CSTPP1: variants seen among roughly 807,000 people sequenced by gnomAD.
CSTPP1 encodes centriolar satellite-associated tubulin polyglutamylase complex regulator 1, also known as UPF0705 protein C11orf49.
chr11:46,944,349 C>T, the CSTPP1 span, among the ~76,000 whole-genome samples: 1 of 151,652 alleles, frequency 6.6e-6, no homozygotes, highest in East Asian at 1.9e-4. Context: ...GTGCTTGCCT[C>T]ATACATGTAA....
At chr11:47,065,977 T>TTGTGTGTGTGTGTG in the CSTPP1 span, among the ~76,000 whole-genome samples, 58,943 of 145,720 alleles carry the variant, frequency 0.4, 13,410 homozygotes, top group Non-Finnish European at 0.52. Flanking sequence ...GGTCTAACAG[T>TTGTGTGTGTGTGTG]TGTGTGTGTG....
the CSTPP1 span, among the ~76,000 whole-genome samples, chr11:47,005,857 AGT>A: frequency 6.6e-6 from 1 of 152,212 alleles, no homozygotes; most frequent in African/African-American, 2.4e-5. Flanking sequence ...AGATACAATA[AGT>A]GTTGAATTAA....
chr11:47,150,604 G>A, the CSTPP1 span, among the ~76,000 whole-genome samples: 1 of 152,188 alleles, frequency 6.6e-6, no homozygotes, highest in Non-Finnish European at 1.5e-5. Flanking sequence ...AAGAGATGCT[G>A]TGGAGGCTTC....
chr11:47,156,996 C>A, the CSTPP1 span: 3 of 1,612,616 alleles, frequency 1.9e-6, no homozygotes, highest in Non-Finnish European at 2.5e-6. Flanking sequence ...GCCGTCCACA[C>A]CCACACCCCC....
At chr11:47,137,771 G>A in the CSTPP1 span, 1 of 1,576,908 alleles carries the variant, frequency 6.3e-7, no homozygotes, top group Non-Finnish European at 8.7e-7. Flanking sequence ...GCTCTCTGTG[G>A]GCCACTGCTT....
chr11:46,973,784 G>GTGTGTGTGTA, the CSTPP1 span, among the ~76,000 whole-genome samples: 4 of 151,512 alleles, frequency 2.6e-5, no homozygotes, highest in Non-Finnish European at 4.4e-5. Flanking sequence ...GGGTGTATGT[G>GTGTGTGTGTA]TGTGTGTGTG....
the CSTPP1 span, among the ~76,000 whole-genome samples, chr11:47,140,076 C>T: frequency 3.3e-5 from 5 of 152,166 alleles, no homozygotes; most frequent in Admixed American, 6.5e-5. Context: ...CGGTGGGGCA[C>T]GGTGTTTTGC....
chr11:46,939,547 T>C, the CSTPP1 span, among the ~76,000 whole-genome samples: 1 of 152,148 alleles, frequency 6.6e-6, no homozygotes, highest in South Asian at 2.1e-4. Flanking sequence ...CCCAATACTT[T>C]GGGAGGCTGA....
the CSTPP1 span, among the ~76,000 whole-genome samples, chr11:46,965,877 G>T: frequency 4.6e-5 from 7 of 152,202 alleles, no homozygotes; most frequent in African/African-American, 1.4e-4. Flanking sequence ...TTATATTAAA[G>T]TTCACAGGTC....
At chr11:47,020,020 C>A in the CSTPP1 span, among the ~76,000 whole-genome samples, 1 of 152,062 alleles carries the variant, frequency 6.6e-6, no homozygotes, top group African/African-American at 2.4e-5. Flanking sequence ...TAAACATAGC[C>A]AATCATATAA....
chr11:47,118,365 G>A, the CSTPP1 span, among the ~76,000 whole-genome samples: 2 of 152,064 alleles, frequency 1.3e-5, no homozygotes, highest in Non-Finnish European at 2.9e-5. Flanking sequence ...CTTTTTTCAA[G>A]GTTTTTAGCT....
At chr11:47,020,354 T>A in the CSTPP1 span, among the ~76,000 whole-genome samples, 1 of 152,226 alleles carries the variant, frequency 6.6e-6, no homozygotes, top group African/African-American at 2.4e-5. Flanking sequence ...AGCTTAGTGA[T>A]GTAATTAAAA....
At chr11:47,123,467 A>T in the CSTPP1 span, 2 of 152,260 alleles carry the variant, frequency 1.3e-5, no homozygotes, top group Non-Finnish European at 2.9e-5. Context: ...TCTCTGTCCC[A>T]GACAGTGAGT....
At chr11:47,088,574 C>T in the CSTPP1 span, among the ~76,000 whole-genome samples, 1 of 151,912 alleles carries the variant, frequency 6.6e-6, no homozygotes. Context: ...TTTGAGACAG[C>T]GTCTCTCTCT....
the CSTPP1 span, among the ~76,000 whole-genome samples, chr11:47,096,627 C>T: frequency 6.6e-6 from 1 of 152,088 alleles, no homozygotes; most frequent in Non-Finnish European, 1.5e-5. Context: ...ATACAGACTC[C>T]TTTTATTCTA....
At chr11:47,050,151 T>C in the CSTPP1 span, among the ~76,000 whole-genome samples, 1 of 152,252 alleles carries the variant, frequency 6.6e-6, no homozygotes, top group East Asian at 1.9e-4. Flanking sequence ...ATAAAGCTGG[T>C]ATTGCAATAT....
the CSTPP1 span, among the ~76,000 whole-genome samples, chr11:46,940,365 A>G: frequency 1.3e-5 from 2 of 152,226 alleles, no homozygotes; most frequent in African/African-American, 2.4e-5. Flanking sequence ...ATCTGCAAGA[A>G]TAAGTTCCAC....
the CSTPP1 span, among the ~76,000 whole-genome samples, chr11:47,046,808 G>A: frequency 6.7e-6 from 1 of 149,726 alleles, no homozygotes; most frequent in Non-Finnish European, 1.5e-5. Flanking sequence ...TGGGATTACA[G>A]GCATCCACCA....
the CSTPP1 span, among the ~76,000 whole-genome samples, chr11:47,031,620 C>T: frequency 6.6e-6 from 1 of 151,664 alleles, no homozygotes; most frequent in East Asian, 1.9e-4. Flanking sequence ...TCGCTTCAGC[C>T]CAGGAGTTTG....
Sources: allele counts gnomAD v4.1 joint callset (sites outside exome capture counted in the v4.1 genomes callset), GRCh38; gene constraint gnomAD v4.1.1; transcripts MANE v1.5; gene names NCBI Gene and HGNC (gene_info 2026-07-23, HGNC 2026-07-21).